Variants in CHCHD3 observed in about 807,000 individuals in gnomAD.
The protein encoded by CHCHD3 is coiled-coil-helix-coiled-coil-helix domain containing 3, also known as MICOS complex subunit MIC19.
Under a neutral mutation model 38.2 loss-of-function variants are expected in CHCHD3, and 20 were observed. That is an observed-to-expected ratio of 0.52 (90% confidence interval 0.37 to 0.76). The LOEUF (loss-of-function observed/expected upper bound fraction) is 0.76. Among genes scored for constraint, CHCHD3 ranks in the 30% least tolerant of loss-of-function variants. The pLI is 0.00. For synonymous variants in CHCHD3, 82 were observed against 100.0 expected (o/e 0.82, Z 1.07); for missense variants, 245 against 279.2 (o/e 0.88, Z 0.87).
chr7:133,003,621 T>C (rs1304039751), intron 3 of CHCHD3, among the ~76,000 whole-genome samples: 1 of 152,186 alleles, frequency 6.6e-6, no homozygotes, highest in Non-Finnish European at 1.5e-5. Context: ...TTTCTTACTA[T>C]GACAATGCAT....
chr7:132,824,725 T>A (rs951634491), intron 6 of CHCHD3, among the ~76,000 whole-genome samples: 1 of 152,190 alleles, frequency 6.6e-6, no homozygotes, highest in African/African-American at 2.4e-5. Context: ...TGTGGTCTCA[T>A]ATTCCACTAG....
intron 3 of CHCHD3, among the ~76,000 whole-genome samples, chr7:132,997,892 T>G (rs1294735016): frequency 6.6e-6 from 1 of 152,152 alleles, no homozygotes; most frequent in Non-Finnish European, 1.5e-5. Flanking sequence ...ATACTGTCAT[T>G]TTATATGCAG....
intron 1 of CHCHD3, among the ~76,000 whole-genome samples, chr7:133,077,163 T>C (rs1815022333): frequency 6.6e-6 from 1 of 152,162 alleles, no homozygotes; most frequent in African/African-American, 2.4e-5. Context: ...TTGTCATTAG[T>C]AGAAACCATT....
At chr7:132,895,444 G>A (rs1447721725) in intron 4 of CHCHD3, among the ~76,000 whole-genome samples, 1 of 152,250 alleles carries the variant, frequency 6.6e-6, no homozygotes, top group African/African-American at 2.4e-5. Context: ...ATTGCGAAAT[G>A]TTGCCTAGGA....
At chr7:132,893,504 T>G (rs535620318) in intron 4 of CHCHD3, among the ~76,000 whole-genome samples, 31 of 152,316 alleles carry the variant, frequency 2.0e-4, no homozygotes, top group African/African-American at 7.2e-4. Context: ...GAGTTAAGAC[T>G]CTGGGGGACT....
At chr7:132,964,496 A>G (rs1585680440) in intron 4 of CHCHD3, among the ~76,000 whole-genome samples, 1 of 152,122 alleles carries the variant, frequency 6.6e-6, no homozygotes, top group African/African-American at 2.4e-5. Flanking sequence ...CAGGAGAATC[A>G]CTTGAACCCG....
Position 133,050,340 on chromosome 7 carries a change from T to TAAAAA in CHCHD3, c.169+19797_169+19801dup, listed in dbSNP as rs35635002. 2.8e-4 allele frequency among the ~76,000 whole-genome samples: 9 copies of TAAAAA among 31,846 alleles called. 2 individuals carry two copies. The highest frequency in any genetic ancestry group is 5.0e-4 in the Non-Finnish European group (8 of 15,940). The allele number at this position is 31,846 out of a possible 152,430, so 20.9% of individuals were successfully genotyped here. A position where few individuals can be genotyped will look rare whatever the true frequency, so the allele number is the denominator to read the frequency against. ...CTGAGTAACAGAGGAGGCTGTGTCTTAAAAAAAAAAAAAAAAAAAAAAAAA... is the reference window on the plus strand; with the variant it reads ...CTGAGTAACAGAGGAGGCTGTGTCTTAAAAAAAAAAAAAAAAAAAAAAAAAAAAAA... On this transcript the variant is annotated intron_variant, in intron 2 of 7. Coordinates refer to ENST00000262570, the MANE Select transcript of CHCHD3 (RefSeq NM_017812.4).
chr7:133,009,236 C>T (rs149155515), intron 3 of CHCHD3, among the ~76,000 whole-genome samples: 3,694 of 151,892 alleles, frequency 0.024, 157 homozygotes, highest in African/African-American at 0.084. Context: ...CGGTGGTGTG[C>T]ACCTGTAAGC....
At chr7:132,999,148 G>A (rs768104957) in intron 3 of CHCHD3, among the ~76,000 whole-genome samples, 1 of 152,044 alleles carries the variant, frequency 6.6e-6, no homozygotes, top group Non-Finnish European at 1.5e-5. Flanking sequence ...AAAGAATAAG[G>A]CCCAATTTCC....
In CHCHD3 at chr7:132,785,657, T is replaced by A. The variant is rs776676707; in HGVS notation, c.664A>T (p.Met222Leu). Residue 222 changes from methionine (M) to leucine (L), a missense_variant, in exon 8 of 8, where the codon ATG becomes TTG. Physicochemically the swap from Met to Leu is conservative, Grantham distance 15 (BLOSUM62 2). Coordinates refer to ENST00000262570, the MANE Select transcript of CHCHD3 (RefSeq NM_017812.4). ...AGTTTTTATCCTCCCTTCTCAAGCA[T>A]GCTCTGCAAGAAAAACAGAAAGAGT... is the stretch of plus-strand genomic sequence containing the variant. ...MHCVNHAKQS[M>L]LEKGG 4 of 1,614,114 alleles carry A rather than the reference T, an allele frequency of 2.5e-6. No homozygotes were observed. Among genetic ancestry groups the A allele is most frequent in the Non-Finnish European group, 3.4e-6 (4 of 1,180,004 alleles).
chr7:132,942,567 G>A (rs967559380), intron 4 of CHCHD3, among the ~76,000 whole-genome samples: 1 of 152,048 alleles, frequency 6.6e-6, no homozygotes, highest in Non-Finnish European at 1.5e-5. Context: ...ATTGAATCCT[G>A]CGGCTTTATA....
At chr7:132,798,131 T>C (rs17457082) in intron 6 of CHCHD3, among the ~76,000 whole-genome samples, 57,463 of 152,058 alleles carry the variant, frequency 0.38, 11,395 homozygotes, top group East Asian at 0.72. Flanking sequence ...TAAGCTAATA[T>C]ATATTTTACT....
rs1360130361 is a variant in CHCHD3, at chr7:132,985,589, C to T, written c.252-10303G>A. On this transcript the variant is annotated intron_variant, in intron 3 of 7. Transcript: ENST00000262570. ...CCCCCTCCCGGCCAGCCGCCCCATC[C>T]GGGAGGTGAGGGGCGCCTCTGCCCG... 5.7e-3 allele frequency among the ~76,000 whole-genome samples: 484 copies of T among 84,514 alleles called. 64 individuals are homozygous for T. The highest frequency in any genetic ancestry group is 0.021 in the African/African-American group (444 of 21,194). 55.4% of individuals were successfully genotyped at this position (84,514 alleles called of 152,430 possible).
At position 132,969,524 on chromosome 7, in the gene CHCHD3, A is replaced by C. The variant is rs577463875; in HGVS notation, c.369+5645T>G. Among the ~76,000 whole-genome samples, 73 of 152,270 alleles carry C rather than the reference A, an allele frequency of 4.8e-4. 1 individual carries two copies. Among genetic ancestry groups the C allele is most frequent in the Non-Finnish European group, 8.8e-5 (6 of 68,022 alleles). Reference sequence around the variant, plus strand: ...ATGCTTAGCCCAGGACGTTTTTTACATTGATTGCTAATTTTTGTATTTCAA... The same window carrying C: ...ATGCTTAGCCCAGGACGTTTTTTACCTTGATTGCTAATTTTTGTATTTCAA... On this transcript the variant is annotated intron_variant, in intron 4 of 7. Coordinates refer to ENST00000262570, the MANE Select transcript of CHCHD3 (RefSeq NM_017812.4).
intron 4 of CHCHD3, among the ~76,000 whole-genome samples, chr7:132,930,838 T>G (rs1421825546): frequency 6.6e-6 from 1 of 152,190 alleles, no homozygotes; most frequent in Admixed American, 6.5e-5. Flanking sequence ...CAAATCCCTA[T>G]GCCCCTTGCA....
intron 3 of CHCHD3, among the ~76,000 whole-genome samples, chr7:133,005,975 C>T (rs1298009341): frequency 6.6e-6 from 1 of 152,146 alleles, no homozygotes; most frequent in Non-Finnish European, 1.5e-5. Flanking sequence ...TGTATCTCGC[C>T]AGCTACATAT....
chr7:132,946,552 A>T (rs1333170742), intron 4 of CHCHD3, among the ~76,000 whole-genome samples: 3 of 151,906 alleles, frequency 2.0e-5, no homozygotes, highest in Non-Finnish European at 4.4e-5. Context: ...ATTAAGAATT[A>T]ACTCCAAAAA....
chr7:132,803,651 A>G (rs1806842952), intron 6 of CHCHD3, among the ~76,000 whole-genome samples: 1 of 151,886 alleles, frequency 6.6e-6, no homozygotes, highest in Non-Finnish European at 1.5e-5. Flanking sequence ...TTATTCCTTT[A>G]TCTACTCAGT....
At chr7:132,846,061 C>A (rs548209470) in intron 5 of CHCHD3, among the ~76,000 whole-genome samples, 3 of 152,140 alleles carry the variant, frequency 2.0e-5, no homozygotes, top group Admixed American at 6.5e-5. Flanking sequence ...TGGTAGATGG[C>A]AAAAATGGCC....
Sources: allele counts gnomAD v4.1 joint callset (sites outside exome capture counted in the v4.1 genomes callset), GRCh38; gene constraint gnomAD v4.1.1; transcripts MANE v1.5; gene names NCBI Gene and HGNC (gene_info 2026-07-23, HGNC 2026-07-21).